The following DNAH3 variants were observed in gnomAD, a reference collection of about 807,000 sequenced individuals.
DNAH3 encodes axonemal beta dynein heavy chain 3.
In DNAH3, 332 loss-of-function variants were observed where a neutral mutation model predicts 432.5. The observed-to-expected ratio is 0.77, with a 90% CI of 0.70 to 0.84. The LOEUF (loss-of-function observed/expected upper bound fraction) is 0.84, where lower values mean the gene tolerates loss of function less well. DNAH3 is among the 40% of genes least tolerant of loss of function. The pLI, the probability that DNAH3 is intolerant of heterozygous loss-of-function variation, is 0.00. For synonymous variants in DNAH3, 1,956 were observed against 1,900.2 expected (o/e 1.03, Z -0.76); for missense variants, 4,861 against 5,114.0 (o/e 0.95, Z 1.51).
intron 49 of DNAH3, among the ~76,000 whole-genome samples, chr16:20,980,275 C>T (rs1365931305): frequency 1.5e-5 from 2 of 131,986 alleles, no homozygotes; most frequent in African/African-American, 2.9e-5. Flanking sequence ...TTATAATATA[C>T]ATCATATATT....
At chr16:21,077,558 C>T (rs767461134) in intron 20 of DNAH3, among the ~76,000 whole-genome samples, 4 of 152,130 alleles carry the variant, frequency 2.6e-5, no homozygotes, top group African/African-American at 4.8e-5. Flanking sequence ...AAAACACCTA[C>T]TATTTTCCTG....
chr16:21,108,014 C>T (rs1378468877), intron 14 of DNAH3, among the ~76,000 whole-genome samples: 3 of 151,818 alleles, frequency 2.0e-5, no homozygotes, highest in African/African-American at 7.3e-5. Flanking sequence ...ACAGGCACCG[C>T]CCCCACCCAC....
chr16:21,093,142 G>A (rs1329622054), intron 18 of DNAH3, among the ~76,000 whole-genome samples: 1 of 152,172 alleles, frequency 6.6e-6, no homozygotes, highest in African/African-American at 2.4e-5. Context: ...CTAAATGCTG[G>A]CAAGGATGTG....
At chr16:21,059,611 C>T (rs1041337993) in intron 26 of DNAH3, among the ~76,000 whole-genome samples, 9 of 151,934 alleles carry the variant, frequency 5.9e-5, no homozygotes, top group Non-Finnish European at 7.4e-5. Flanking sequence ...CACATCTCTA[C>T]GAAAAATACA....
At chr16:20,955,464 CTT>C (rs113056418) in intron 54 of DNAH3, among the ~76,000 whole-genome samples, 34 of 143,938 alleles carry the variant, frequency 2.4e-4, no homozygotes, top group Admixed American at 2.1e-4. Context: ...AGCTCCTACT[CTT>C]TTTTTTTTTT....
chr16:21,018,717 A>G (rs547038549), intron 41 of DNAH3, among the ~76,000 whole-genome samples: 2 of 152,258 alleles, frequency 1.3e-5, no homozygotes, highest in African/African-American at 4.8e-5. Context: ...CAATGTGGTG[A>G]AACCCCATCT....
intron 21 of DNAH3, among the ~76,000 whole-genome samples, chr16:21,071,137 G>A (rs1309145245): frequency 6.6e-6 from 1 of 151,992 alleles, no homozygotes; most frequent in Non-Finnish European, 1.5e-5. Context: ...CCACCTCCCA[G>A]GTTCAAGTGA....
At chr16:21,099,978 T>C (rs368893213) in intron 16 of DNAH3, among the ~76,000 whole-genome samples, 49 of 152,334 alleles carry the variant, frequency 3.2e-4, no homozygotes, top group East Asian at 1.5e-3. Flanking sequence ...TCAGCTATAG[T>C]GACATTTCAT....
intron 31 of DNAH3, among the ~76,000 whole-genome samples, chr16:21,042,722 T>G (rs988184965): frequency 4.6e-5 from 7 of 152,128 alleles, no homozygotes; most frequent in African/African-American, 1.4e-4. Flanking sequence ...ACGTGCACAT[T>G]GTGCAGGTTA....
At chr16:21,134,099 G>C (rs2092607467) in intron 7 of DNAH3, 160 bp downstream of exon 8, 5 of 662,784 alleles carry the variant, frequency 7.5e-6, no homozygotes, top group Non-Finnish European at 1.2e-5. Flanking sequence ...TGCAAGGAAA[G>C]GTGTCACTTA....
chr16:21,111,986 T>C lies in DNAH3; in HGVS notation c.1920+7A>G, dbSNP rs1410791143. The C allele has an allele frequency of 6.2e-7, 1 of 1,611,630 alleles. No homozygotes were observed. The highest frequency in any genetic ancestry group is 8.5e-7 in the Non-Finnish European group (1 of 1,178,366). ...CAAGGTATAAAATCTCAAGTGGCAT[T>C]TCCTACCGTCACAAAATCATCAATG... On this transcript the variant is annotated splice_region_variant and intron_variant, in intron 13 of 61. Transcript: ENST00000261383.
chr16:20,964,753 G>A (rs756514284), exon 53 of DNAH3: 132 of 1,614,078 alleles, frequency 8.2e-5, no homozygotes, highest in Middle Eastern at 1.7e-4. Flanking sequence ...ATCCCCTAAC[G>A]TGTGGCTGAG....
At position 20,987,463 on chromosome 16, in the gene DNAH3, T is replaced by A; in HGVS notation, c.6883-15A>T. On this transcript the variant is annotated splice_polypyrimidine_tract_variant and intron_variant, in intron 46 of 61. Transcript: ENST00000261383. ...TTTTCTACATCCTAAAAATCCAGAGTTAATTATTCAAACGAGTGGAAGATG... is the reference window on the plus strand; with the variant it reads ...TTTTCTACATCCTAAAAATCCAGAGATAATTATTCAAACGAGTGGAAGATG... The A allele has an allele frequency of 6.2e-7, 1 of 1,613,734 alleles. No individual in the cohort carries two copies. Among genetic ancestry groups the A allele is most frequent in the Non-Finnish European group, 8.5e-7 (1 of 1,179,836 alleles).
At chr16:20,995,192 C>T (rs1029173777) in intron 44 of DNAH3, among the ~76,000 whole-genome samples, 2 of 152,050 alleles carry the variant, frequency 1.3e-5, no homozygotes, top group Admixed American at 6.6e-5. Flanking sequence ...GTAATCTGCC[C>T]GCTTTGGCAT....
chr16:20,967,491 G>GC (rs1596991199), intron 52 of DNAH3, among the ~76,000 whole-genome samples: 1 of 99,394 alleles, frequency 1.0e-5, no homozygotes, highest in African/African-American at 4.7e-5. Flanking sequence ...ACAGACTTCT[G>GC]CTTTTTTTTT....
chr16:21,122,781 T>C (rs1210595392), intron 9 of DNAH3, among the ~76,000 whole-genome samples: 1 of 152,024 alleles, frequency 6.6e-6, no homozygotes, highest in Admixed American at 6.6e-5. Context: ...ACTTCTGAAC[T>C]TGTGTATTTC....
At chr16:21,118,624 C>T (rs1460244778) in intron 11 of DNAH3, among the ~76,000 whole-genome samples, 1 of 152,052 alleles carries the variant, frequency 6.6e-6, no homozygotes, top group Non-Finnish European at 1.5e-5. Flanking sequence ...TATTTTTGTA[C>T]AGACAGGGGC....
chr16:21,139,799 A>G (rs1190513048), intron 5 of DNAH3, among the ~76,000 whole-genome samples: 4 of 40,640 alleles, frequency 9.8e-5, no homozygotes, highest in East Asian at 1.2e-3. Flanking sequence ...TTTTTTTTTG[A>G]GATAGAGCCT....
exon 43 of DNAH3, chr16:21,000,368 T>G (rs1322095742): frequency 5.6e-6 from 9 of 1,614,116 alleles, no homozygotes; most frequent in Non-Finnish European, 5.9e-6. Context: ...TACGTATTTT[T>G]GGGAAGGTGG....
Sources: allele counts gnomAD v4.1 joint callset (sites outside exome capture counted in the v4.1 genomes callset), GRCh38; gene constraint gnomAD v4.1.1; transcripts MANE v1.5; gene names NCBI Gene and HGNC (gene_info 2026-07-23, HGNC 2026-07-21).